GALNT2: variants seen among roughly 807,000 people sequenced by gnomAD.
The protein encoded by GALNT2 is UDP-GalNAc:polypeptide N-acetylgalactosaminyltransferase 2.
Under a neutral mutation model 81.4 loss-of-function variants are expected in GALNT2, and 31 were observed. The observed-to-expected ratio is 0.38, with a 90% CI of 0.29 to 0.51. The LOEUF (loss-of-function observed/expected upper bound fraction) is 0.51. Among genes scored for constraint, GALNT2 ranks in the 20% least tolerant of loss-of-function variants. The pLI is 0.87. For missense variants in GALNT2, 629 were observed against 765.7 expected (o/e 0.82, Z 2.11); for synonymous variants, 303 against 287.4 (o/e 1.05, Z -0.55).
At chr1:230,265,604 C>T (rs111565269) in intron 14 of GALNT2, among the ~76,000 whole-genome samples, 22 of 152,302 alleles carry the variant, frequency 1.4e-4, no homozygotes, top group African/African-American at 4.3e-4. Flanking sequence ...TCTGCTGCAG[C>T]GGCAAGGGTG....
chr1:230,086,095 C>G (rs1281171414), intron 1 of GALNT2, among the ~76,000 whole-genome samples: 3 of 152,198 alleles, frequency 2.0e-5, no homozygotes, highest in Non-Finnish European at 1.5e-5. Context: ...ATGGAATTCA[C>G]AGAACAAATG....
chr1:230,092,185 T>TGTTTTTTTTTTTTTTTTTTTTTTG (rs371156205), intron 1 of GALNT2, among the ~76,000 whole-genome samples: 7 of 114,278 alleles, frequency 6.1e-5, no homozygotes, highest in South Asian at 3.0e-4. Context: ...AGTTTTTTTT[T>TGTTTTTTTTTTTTTTTTTTTTTTG]TTTTTTTTTT....
intron 1 of GALNT2, among the ~76,000 whole-genome samples, chr1:230,085,203 G>A (rs1252356215): frequency 6.6e-6 from 1 of 152,150 alleles, no homozygotes. Context: ...CGGCAAAACT[G>A]AAGCATACCC....
intron 3 of GALNT2, among the ~76,000 whole-genome samples, chr1:230,221,233 T>C (rs1306956367): frequency 1.3e-5 from 2 of 152,250 alleles, no homozygotes; most frequent in Admixed American, 6.5e-5. Flanking sequence ...TATATAACTT[T>C]CCCTTATAAA....
At chr1:230,090,224 C>G (rs1660025516) in intron 1 of GALNT2, among the ~76,000 whole-genome samples, 1 of 152,294 alleles carries the variant, frequency 6.6e-6, no homozygotes, top group African/African-American at 2.4e-5. Flanking sequence ...CCCAGGCAAC[C>G]TCTTCTGGAT....
intron 3 of GALNT2, among the ~76,000 whole-genome samples, chr1:230,205,403 G>A (rs1265202518): frequency 6.6e-6 from 1 of 152,038 alleles, no homozygotes; most frequent in Non-Finnish European, 1.5e-5. Flanking sequence ...ATACATATGA[G>A]TATATGTAAA....
chr1:230,152,391 A>C (rs554398691), intron 1 of GALNT2, among the ~76,000 whole-genome samples: 89 of 152,316 alleles, frequency 5.8e-4, no homozygotes, highest in African/African-American at 2.1e-3. Flanking sequence ...TCAAATTGTA[A>C]GTTGTGACTC....
intron 1 of GALNT2, among the ~76,000 whole-genome samples, chr1:230,068,898 T>C (rs562049178): frequency 3.0e-4 from 45 of 152,230 alleles, no homozygotes; most frequent in Non-Finnish European, 5.7e-4. Context: ...GCAAAGAGCA[T>C]GCAGGCAGCA....
chr1:230,127,607 C>T (rs1316819930), intron 1 of GALNT2, among the ~76,000 whole-genome samples: 1 of 151,958 alleles, frequency 6.6e-6, no homozygotes, highest in East Asian at 1.9e-4. Flanking sequence ...ATCTCTTGAC[C>T]TCGTGATCCA....
At chr1:230,112,410 T>G in intron 1 of GALNT2, among the ~76,000 whole-genome samples, 1 of 151,266 alleles carries the variant, frequency 6.6e-6, no homozygotes, top group African/African-American at 2.4e-5. Context: ...TTAGAGTGTG[T>G]GCGTGGAGCA....
chr1:230,245,314 A>C (rs1047231101), intron 7 of GALNT2, among the ~76,000 whole-genome samples: 2 of 152,212 alleles, frequency 1.3e-5, no homozygotes, highest in African/African-American at 2.4e-5. Context: ...AAATACAAAA[A>C]TTAGCTGGGC....
chr1:230,252,602 A>C (rs908436847), intron 10 of GALNT2, among the ~76,000 whole-genome samples: 1 of 152,172 alleles, frequency 6.6e-6, no homozygotes, highest in African/African-American at 2.4e-5. Context: ...CCTAATTAAA[A>C]AGCCATTGAG....
intron 1 of GALNT2, among the ~76,000 whole-genome samples, chr1:230,160,729 A>G (rs1662407189): frequency 6.6e-6 from 1 of 151,920 alleles, no homozygotes; most frequent in African/African-American, 2.4e-5. Flanking sequence ...AAAAACACGA[A>G]ACTTTCAGAT....
At chr1:230,147,063 G>A (rs1661940903) in intron 1 of GALNT2, among the ~76,000 whole-genome samples, 2 of 152,166 alleles carry the variant, frequency 1.3e-5, no homozygotes, top group African/African-American at 4.8e-5. Flanking sequence ...GGGAAGGAGG[G>A]GCCAGAGTTA....
At chr1:230,082,996 C>A (rs1659783381) in intron 1 of GALNT2, among the ~76,000 whole-genome samples, 1 of 143,652 alleles carries the variant, frequency 7.0e-6, no homozygotes, top group Non-Finnish European at 1.5e-5. Flanking sequence ...GATGAAACAG[C>A]AGGGAGCTGG....
At chr1:230,075,300 AT>A (rs1659508114) in intron 1 of GALNT2, among the ~76,000 whole-genome samples, 1 of 151,496 alleles carries the variant, frequency 6.6e-6, no homozygotes. Flanking sequence ...TGATTTTTGT[AT>A]TTTTAATAGA....
At chr1:230,058,968 CTTTCAG>C (rs1459198778) in intron 1 of GALNT2, among the ~76,000 whole-genome samples, 1 of 152,164 alleles carries the variant, frequency 6.6e-6, no homozygotes, top group Admixed American at 6.5e-5. Context: ...TAGAAATGTG[CTTTCAG>C]TTTGGTGGGA....
chr1:230,204,783 A>C (rs1476536088), intron 3 of GALNT2, among the ~76,000 whole-genome samples: 1 of 152,194 alleles, frequency 6.6e-6, no homozygotes, highest in African/African-American at 2.4e-5. Context: ...TTCATTCATC[A>C]GTGAATGGAA....
intron 1 of GALNT2, among the ~76,000 whole-genome samples, chr1:230,081,830 C>G (rs539115558): frequency 1.3e-5 from 2 of 152,328 alleles, no homozygotes; most frequent in Admixed American, 1.3e-4. Flanking sequence ...TGGTTGGGAG[C>G]CTGGCCTGTC....
Sources: allele counts gnomAD v4.1 joint callset (sites outside exome capture counted in the v4.1 genomes callset), GRCh38; gene constraint gnomAD v4.1.1; transcripts MANE v1.5; gene names NCBI Gene and HGNC (gene_info 2026-07-23, HGNC 2026-07-21).